SBF2: variants seen among roughly 807,000 people sequenced by gnomAD.
The protein encoded by SBF2 is myotubularin-related protein 13.
A neutral mutation model predicts 225.2 loss-of-function variants in SBF2; 112 were observed. That is an observed-to-expected ratio of 0.50 (90% confidence interval 0.43 to 0.58). SBF2 has a LOEUF of 0.58. Ranked by LOEUF, SBF2 falls within the 20% of genes least tolerant of loss-of-function variation. The pLI is 0.00. For missense variants in SBF2, 1,996 were observed against 2,206.2 expected (o/e 0.90, Z 1.91); for synonymous variants, 763 against 773.3 (o/e 0.99, Z 0.22).
chr11:9,797,205 G>A (rs902186525), intron 32 of SBF2, among the ~76,000 whole-genome samples: 2 of 152,198 alleles, frequency 1.3e-5, no homozygotes, highest in East Asian at 1.9e-4. Context: ...GCAGGCATGT[G>A]TGTGATAATG....
intron 2 of SBF2, among the ~76,000 whole-genome samples, chr11:10,148,700 A>G (rs1955009931): frequency 6.6e-6 from 1 of 152,076 alleles, no homozygotes; most frequent in Non-Finnish European, 1.5e-5. Flanking sequence ...CCTCTGTACA[A>G]AACACATACC....
intron 32 of SBF2, among the ~76,000 whole-genome samples, chr11:9,800,499 C>T (rs1010488708): frequency 1.8e-4 from 28 of 151,864 alleles, no homozygotes; most frequent in African/African-American, 5.3e-4. Flanking sequence ...CTCCACCTCC[C>T]GGGTTCATGC....
intron 13 of SBF2, among the ~76,000 whole-genome samples, chr11:9,979,174 G>T (rs894397538): frequency 6.6e-6 from 1 of 152,176 alleles, no homozygotes; most frequent in Non-Finnish European, 1.5e-5. Flanking sequence ...GAGCCAATTA[G>T]CCCCACTAAA....
chr11:10,266,925 C>A (rs1417160833), intron 1 of SBF2, among the ~76,000 whole-genome samples: 1 of 152,054 alleles, frequency 6.6e-6, no homozygotes, highest in African/African-American at 2.4e-5. Flanking sequence ...CCCGTCTCTA[C>A]CGAAAATATA....
chr11:10,049,976 T>G (rs1232689413), intron 2 of SBF2, among the ~76,000 whole-genome samples: 1 of 152,188 alleles, frequency 6.6e-6, no homozygotes, highest in Non-Finnish European at 1.5e-5. Flanking sequence ...TAACATAATG[T>G]AACGATACAG....
At chr11:10,113,679 T>A (rs1440744599) in intron 2 of SBF2, among the ~76,000 whole-genome samples, 1 of 152,096 alleles carries the variant, frequency 6.6e-6, no homozygotes, top group African/African-American at 2.4e-5. Context: ...GGTAGAGATG[T>A]GTGGTAAATG....
At chr11:10,034,261 A>G (rs1949359666) in intron 3 of SBF2, among the ~76,000 whole-genome samples, 2 of 152,330 alleles carry the variant, frequency 1.3e-5, no homozygotes, top group South Asian at 4.1e-4. Context: ...TACATCTGCT[A>G]GTGATTCCCA....
intron 2 of SBF2, among the ~76,000 whole-genome samples, chr11:10,184,458 A>G (rs2135298104): frequency 6.6e-6 from 1 of 152,356 alleles, no homozygotes; most frequent in Admixed American, 6.5e-5. Context: ...AGTTAACTAC[A>G]GTAAAATATA....
chr11:9,986,180 A>G (rs1321180156), intron 13 of SBF2, among the ~76,000 whole-genome samples: 1 of 152,220 alleles, frequency 6.6e-6, no homozygotes, highest in Admixed American at 6.5e-5. Context: ...CTCCTGAATG[A>G]GCATTCAGTC....
At chr11:9,970,814 A>G (rs982324162) in intron 13 of SBF2, among the ~76,000 whole-genome samples, 1 of 152,172 alleles carries the variant, frequency 6.6e-6, no homozygotes, top group African/African-American at 2.4e-5. Context: ...CATGCTCTGT[A>G]TTTCCCCCCA....
chr11:9,883,083 G>A (rs376697063), intron 17 of SBF2, among the ~76,000 whole-genome samples: 2 of 151,970 alleles, frequency 1.3e-5, no homozygotes, highest in East Asian at 1.9e-4. Flanking sequence ...GCAGTGAGCC[G>A]AGATTATGCC....
intron 32 of SBF2, among the ~76,000 whole-genome samples, chr11:9,797,852 A>G (rs537455477): frequency 2.0e-3 from 310 of 152,274 alleles, no homozygotes; most frequent in Middle Eastern, 6.8e-3. Context: ...ACGTGCCTGT[A>G]GCCCCAGCTA....
intron 1 of SBF2, among the ~76,000 whole-genome samples, chr11:10,273,557 G>A (rs898546137): frequency 3.3e-5 from 5 of 152,170 alleles, no homozygotes; most frequent in African/African-American, 7.2e-5. Flanking sequence ...TTATGACCAT[G>A]TTTCTAGGTA....
intron 2 of SBF2, among the ~76,000 whole-genome samples, chr11:10,059,134 G>T (rs1016633822): frequency 1.3e-5 from 2 of 152,086 alleles, no homozygotes; most frequent in Admixed American, 6.5e-5. Flanking sequence ...ACAGTACAAT[G>T]ACAGGATCAA....
At chr11:10,150,319 A>G (rs570668595) in intron 2 of SBF2, among the ~76,000 whole-genome samples, 1 of 152,308 alleles carries the variant, frequency 6.6e-6, no homozygotes, top group East Asian at 1.9e-4. Context: ...TCTTTTAAAG[A>G]TAAATTATCT....
intron 13 of SBF2, among the ~76,000 whole-genome samples, chr11:9,981,476 C>A (rs778205798): frequency 4.1e-4 from 63 of 152,058 alleles, no homozygotes; most frequent in Non-Finnish European, 8.1e-4. Flanking sequence ...ATTTAAAAAA[C>A]GTTTGAAATC....
chr11:9,790,580 ATAAT>A lies in SBF2; in HGVS notation c.4670_4673del (p.Asn1557IlefsTer8). ...CCTCTATTTCCAATGGTGAATATAA[ATAAT>A]TAAAGAAAATGGGACTCCTCTTGTG... On this transcript the variant is annotated frameshift_variant, in exon 34 of 40. Transcript: ENST00000256190. LOFTEE classifies it high-confidence loss of function. The A allele has an allele frequency of 1.9e-6, 3 of 1,584,192 alleles. No homozygotes were observed. The highest frequency in any genetic ancestry group is 1.7e-6 in the Non-Finnish European group (2 of 1,155,830).
At chr11:10,071,066 A>T (rs1950847348) in intron 2 of SBF2, among the ~76,000 whole-genome samples, 1 of 152,120 alleles carries the variant, frequency 6.6e-6, no homozygotes, top group African/African-American at 2.4e-5. Flanking sequence ...TTGGGCTGAG[A>T]CGATGGTGTT....
intron 6 of SBF2, among the ~76,000 whole-genome samples, chr11:10,025,707 C>T (rs1167328894): frequency 6.6e-6 from 1 of 152,148 alleles, no homozygotes; most frequent in East Asian, 1.9e-4. Context: ...TCAAGCGATT[C>T]TCATGCCTCA....
Sources: gnomAD v4.1 joint callset for allele counts (sites outside exome capture counted in the v4.1 genomes callset) on GRCh38, gnomAD v4.1.1 for gene constraint, MANE v1.5 for transcripts, NCBI Gene and HGNC (gene_info 2026-07-23, HGNC 2026-07-21) for gene names.